FN1: variants seen among roughly 807,000 people sequenced by gnomAD.
FN1 encodes fibronectin 1, also known as fibronectin.
A neutral mutation model predicts 297.3 loss-of-function variants in FN1; 106 were observed. The observed-to-expected ratio is 0.36, with a 90% CI of 0.30 to 0.42. FN1 has a LOEUF of 0.42. FN1 is among the 10% of genes least tolerant of loss of function. FN1 has a pLI of 1.00. For synonymous variants in FN1, 1,149 were observed against 1,152.6 expected (o/e 1.00, Z 0.06); for missense variants, 2,690 against 3,124.9 (o/e 0.86, Z 3.32).
intron 25 of FN1, 164 bp from the exon 26 acceptor site, chr2:215,391,978 TAAAAA>T: frequency 1.5e-6 from 1 of 672,134 alleles, no homozygotes. Context: ...GTACTACTGT[TAAAAA>T]TAAAACACTA....
rs754336717 is a variant in FN1 at position 215,391,743 on chromosome 2, G to A, written c.4141C>T (p.Pro1381Ser). 1.4e-5 allele frequency: 23 copies of A among 1,614,020 alleles called. No homozygotes were observed. The South Asian group carries it at 2.2e-4, about 15-fold the overall frequency. ...AAGTTGGTTAAATCAATGGATGGGG[G>A]TGGAGCCCAGGTGACACGCATGGTG... is the stretch of plus-strand genomic sequence containing the variant. ...PDTMRVTWAPPPSIDLTNFLV... is the reference protein window; with the variant it reads ...PDTMRVTWAPSPSIDLTNFLV... Residue 1381 changes from proline to serine, a missense_variant, in exon 26 of 46, where the codon CCC becomes TCC. Pro to Ser is a moderately conservative substitution (Grantham distance 74). Coordinates refer to ENST00000354785, the MANE Select transcript of FN1 (RefSeq NM_212482.4).
intron 9 of FN1, among the ~76,000 whole-genome samples, chr2:215,422,875 C>A (rs535208126): frequency 1.3e-5 from 2 of 152,252 alleles, no homozygotes; most frequent in Admixed American, 1.3e-4. Context: ...AGATTCCCTA[C>A]CTGTTAGAAA....
At chr2:215,428,506 T>A (rs767761234) in intron 5 of FN1, among the ~76,000 whole-genome samples, 168 bp from the exon 6 acceptor site, 2 of 152,256 alleles carry the variant, frequency 1.3e-5, no homozygotes, top group Non-Finnish European at 2.9e-5. Flanking sequence ...GAAATTACAT[T>A]TGTTACAGTG....
At chr2:215,419,135 G>A (rs2063840697) in intron 12 of FN1, 107 bp downstream of exon 12, 3 of 874,092 alleles carry the variant, frequency 3.4e-6, no homozygotes, top group East Asian at 2.5e-5. Context: ...AGAAAAGGGT[G>A]GGAAAGAGGG....
intron 26 of FN1, 31 bp downstream of exon 26, chr2:215,391,601 A>G (rs763830424): frequency 6.3e-7 from 1 of 1,587,208 alleles, no homozygotes; most frequent in Non-Finnish European, 8.7e-7. Context: ...CTAGGTTAAT[A>G]TTTATGGAAC....
intron 42 of FN1, among the ~76,000 whole-genome samples, chr2:215,365,966 A>ATTTTTTTTGTT (rs2054506338): frequency 1.1e-5 from 1 of 90,354 alleles, no homozygotes; most frequent in Non-Finnish European, 2.0e-5. Context: ...CCACAGTGCT[A>ATTTTTTTTGTT]TTTTTTTTTT....
intron 5 of FN1, among the ~76,000 whole-genome samples, chr2:215,430,187 C>A (rs1575864953): frequency 6.6e-6 from 1 of 152,302 alleles, no homozygotes; most frequent in East Asian, 1.9e-4. Context: ...TTTACTTCAA[C>A]AAACTCTCTA....
chr2:215,403,668 T>C (rs2061413870), intron 20 of FN1, among the ~76,000 whole-genome samples: 1 of 152,224 alleles, frequency 6.6e-6, no homozygotes, highest in African/African-American at 2.4e-5. Context: ...GATGTAGATA[T>C]GTGGGAGATT....
chr2:215,399,166 C>T, intron 21 of FN1, 91 bp downstream of exon 21: 2 of 951,812 alleles, frequency 2.1e-6, no homozygotes, highest in South Asian at 1.3e-5. Flanking sequence ...ACCCAGGTCT[C>T]CTGACTCCTG....
chr2:215,435,989 A>G lies in FN1; in HGVS notation c.-187T>C, dbSNP rs1326747227. ...CAGAAGGGATGCAGAGGACCAGAGA[A>G]GTTGTGGCTGCAGGTCCCCTCTTCC... On this transcript the variant is annotated 5_prime_UTR_variant, in exon 1 of 46. Coordinates refer to ENST00000354785, the MANE Select transcript of FN1 (RefSeq NM_212482.4). The G allele has an allele frequency of 3.1e-6, 4 of 1,309,300 alleles. No individual in the cohort carries two copies. The highest frequency in any genetic ancestry group is 4.0e-6 in the Non-Finnish European group (4 of 988,540). The allele number at this position is 1,309,300 out of a possible 1,614,324, so 81.1% of individuals were successfully genotyped here.
intron 15 of FN1, 88 bp downstream of exon 15, chr2:215,409,475 T>G: frequency 8.0e-7 from 1 of 1,255,514 alleles, no homozygotes; most frequent in Non-Finnish European, 1.2e-6. Flanking sequence ...AAACCACAGA[T>G]ACCACCTGCC....
intron 30 of FN1, among the ~76,000 whole-genome samples, 169 bp from the exon 31 acceptor site, chr2:215,383,652 T>G (rs565553079): frequency 6.6e-6 from 1 of 152,330 alleles, no homozygotes; most frequent in South Asian, 2.1e-4. Flanking sequence ...GGCAGGCATC[T>G]CAATACCATT....
At chr2:215,387,407 C>T (rs1464381426) in intron 27 of FN1, among the ~76,000 whole-genome samples, 1 of 152,118 alleles carries the variant, frequency 6.6e-6, no homozygotes, top group Non-Finnish European at 1.5e-5. Flanking sequence ...GAGAAGCCTC[C>T]TAAGCTCAAG....
rs1392135338 is a variant in FN1 at position 215,383,399 on chromosome 2, A to G, written c.4979T>C (p.Val1660Ala). ...SVKWLPSSSP[V>A]TGYRVTTTPK... ...AGTGGTGGTTACTCTGTAACCAGTA[A>G]CAGGGGAACTTGAAGGCAGCCACTT... The change falls in exon 31 of 46, where the codon GTT (valine) becomes GCT (alanine). Residue 1660 changes from valine to alanine, a missense_variant. Val to Ala is a moderately conservative substitution (Grantham distance 64). Around this residue, in one of 3 missense-constraint regions of FN1, gnomAD observed 1,743 missense variants for 1,945.2 expected, o/e 0.90. Coordinates refer to ENST00000354785, the MANE Select transcript of FN1 (RefSeq NM_212482.4). The G allele has an allele frequency of 6.2e-7, 1 of 1,614,084 alleles. No homozygotes were observed. Among genetic ancestry groups the G allele is most frequent in the Non-Finnish European group, 8.5e-7 (1 of 1,179,934 alleles).
chr2:215,370,547 C>CA (rs1559336677), intron 40 of FN1, 115 bp from the exon 41 acceptor site: 50 of 297,662 alleles, frequency 1.7e-4, no homozygotes, highest in Middle Eastern at 1.1e-3. Context: ...AGACAAAAAA[C>CA]AAAAAACAAA....
Position 215,408,465 on chromosome 2 carries a change from C to G in FN1, c.2300-39G>C, listed in dbSNP as rs183244188. ...AGAAAAGGTAACTAATCAGAGCAAA[C>G]TAGTCCCTCAAATGACTCTACAGCT... is the stretch of plus-strand genomic sequence containing the variant. On this transcript the variant is annotated intron_variant, in intron 15 of 45. Transcript: ENST00000354785. 3 of 1,608,178 alleles carry G rather than the reference C, an allele frequency of 1.9e-6. No individual in the cohort carries two copies. In the African/African-American group the frequency reaches 4.0e-5, roughly 21 times the overall value.
At chr2:215,381,519 G>A (rs2058209332) in intron 32 of FN1, 1 of 286,744 alleles carries the variant, frequency 3.5e-6, no homozygotes, top group Non-Finnish European at 6.7e-6. Context: ...TATCACCTAG[G>A]CTGGGGTGCA....
Position 215,409,962 on chromosome 2 carries a change from G to A in FN1, c.2094C>T (p.Thr698=). The A allele has an allele frequency of 6.2e-7, 1 of 1,613,896 alleles. No individual in the cohort carries two copies. The highest frequency in any genetic ancestry group is 1.1e-5 in the South Asian group (1 of 91,046). Residue 698 remains threonine, a synonymous_variant, in exon 14 of 46, where the codon ACC becomes ACT. Coordinates refer to ENST00000354785, the MANE Select transcript of FN1 (RefSeq NM_212482.4). ...TCACAGGTGTGCTGGTGCTGGTGGT[G>A]GTGAAGTCAAAGCGAGTCACTTCTT... ...GHQEVTRFDF[T]TTSTSTPVTS...
chr2:215,424,909 A>G (rs1021420977), intron 7 of FN1, among the ~76,000 whole-genome samples, 185 bp downstream of exon 7: 1 of 152,236 alleles, frequency 6.6e-6, no homozygotes, highest in Non-Finnish European at 1.5e-5. Context: ...CCATGACCAG[A>G]AAGAAAATAC....
Sources: gnomAD v4.1 joint callset for allele counts (sites outside exome capture counted in the v4.1 genomes callset) on GRCh38, gnomAD v4.1.1 for gene constraint, gnomAD v4.1.1 regional missense constraint, MANE v1.5 for transcripts, NCBI Gene and HGNC (gene_info 2026-07-23, HGNC 2026-07-21) for gene names.